Variants in NRXN1 observed in about 807,000 individuals in gnomAD.
NRXN1 encodes the protein neurexin-1.
A neutral mutation model predicts 150.9 loss-of-function variants in NRXN1; 39 were observed. That is an observed-to-expected ratio of 0.26 (90% CI 0.20 to 0.34). The LOEUF is 0.34. Among genes scored for constraint, NRXN1 ranks in the 10% least tolerant of loss-of-function variants. The probability of loss-of-function intolerance (pLI) is 1.00; values close to 1 mark genes in which losing one functional copy is unlikely to be tolerated. For missense variants in NRXN1, 1,815 were observed against 1,949.9 expected, an observed-to-expected ratio of 0.93 and a Z score of 1.30; for synonymous variants, 924 against 757.0, an observed-to-expected ratio of 1.22 and a Z score of -3.62.
chr2:50,350,851 T>G (rs749497170), intron 17 of NRXN1, among the ~76,000 whole-genome samples: 6 of 152,084 alleles, frequency 3.9e-5, no homozygotes, highest in Non-Finnish European at 8.8e-5. Flanking sequence ...AGAGAAAATA[T>G]TTATGGCTGC....
intron 5 of NRXN1, among the ~76,000 whole-genome samples, chr2:50,772,937 C>T (rs1314460625): frequency 1.3e-5 from 2 of 152,020 alleles, no homozygotes; most frequent in Non-Finnish European, 2.9e-5. Flanking sequence ...GGAGGAGCCT[C>T]GTCCATCATA....
In NRXN1 at chr2:50,985,714, A is replaced by G. The variant is rs574436355; in HGVS notation, c.772+41788T>C. On this transcript the variant is annotated intron_variant, in intron 2 of 22. Transcript: ENST00000401669. ...TAATTGAAAATACAGGAGAATTGAGATATGGGAGGCTGTGCTAAGCAAGAA... is the reference window on the plus strand; with the variant it reads ...TAATTGAAAATACAGGAGAATTGAGGTATGGGAGGCTGTGCTAAGCAAGAA... Among the ~76,000 whole-genome samples, 2 of 151,960 alleles carry G rather than the reference A, an allele frequency of 1.3e-5. 1 individual carries two copies. Among genetic ancestry groups the G allele is most frequent in the African/African-American group, 4.8e-5 (2 of 41,552 alleles).
At chr2:50,808,638 T>C (rs541876603) in intron 5 of NRXN1, among the ~76,000 whole-genome samples, 1 of 152,244 alleles carries the variant, frequency 6.6e-6, no homozygotes, top group Admixed American at 6.5e-5. Flanking sequence ...AATCTAAGCA[T>C]AGTGTTTTCT....
At chr2:50,545,822 A>G (rs932430564) in intron 9 of NRXN1, among the ~76,000 whole-genome samples, 2 of 152,162 alleles carry the variant, frequency 1.3e-5, no homozygotes, top group Non-Finnish European at 2.9e-5. Context: ...TGGATACTTG[A>G]GTTCCTGATA....
chr2:50,809,468 C>A (rs1301991406), intron 5 of NRXN1, among the ~76,000 whole-genome samples: 1 of 152,056 alleles, frequency 6.6e-6, no homozygotes. Context: ...ATACTTTATT[C>A]CAGAAATTAA....
chr2:50,286,889 T>G (rs1517831), intron 17 of NRXN1, among the ~76,000 whole-genome samples: 26,880 of 152,088 alleles, frequency 0.18, 2,617 homozygotes, highest in East Asian at 0.36. Context: ...CAGCCTGGCT[T>G]TTTGTAATAA....
rs74389417 is a variant in NRXN1, at chr2:49,963,943, G to T, written c.4129-20152C>A. On this transcript the variant is annotated intron_variant, in intron 21 of 22. Coordinates refer to ENST00000401669, the MANE Select transcript of NRXN1 (RefSeq NM_001330078.2). ...GAGCTGCTGTAACATACCCAGGCCCGTACTTCATGTGTCCATAACGAAAAG... is the reference window on the plus strand; with the variant it reads ...GAGCTGCTGTAACATACCCAGGCCCTTACTTCATGTGTCCATAACGAAAAG... 3.2e-4 allele frequency among the ~76,000 whole-genome samples: 49 copies of T among 152,178 alleles called. No individual in the cohort carries two copies. In the East Asian group the frequency reaches 6.8e-3, roughly 21 times the overall value.
At chr2:50,737,794 C>T (rs756177530) in intron 5 of NRXN1, among the ~76,000 whole-genome samples, 5 of 151,742 alleles carry the variant, frequency 3.3e-5, no homozygotes, top group South Asian at 2.1e-4. Context: ...TGAATATGAC[C>T]GAAGATTTCA....
At chr2:50,947,889 T>C (rs1020123812) in intron 2 of NRXN1, among the ~76,000 whole-genome samples, 3 of 151,980 alleles carry the variant, frequency 2.0e-5, no homozygotes, top group African/African-American at 7.2e-5. Context: ...TGAGTATCAA[T>C]TTGATAAGTT....
intron 17 of NRXN1, among the ~76,000 whole-genome samples, chr2:50,449,022 G>A (rs1416290418): frequency 6.6e-6 from 1 of 152,140 alleles, no homozygotes; most frequent in Non-Finnish European, 1.5e-5. Context: ...AGCAGAGTTT[G>A]CCAAGATCTT....
At chr2:50,548,061 C>T (rs1380555609) in intron 9 of NRXN1, 2 of 152,098 alleles carry the variant, frequency 1.3e-5, no homozygotes, top group Non-Finnish European at 2.9e-5. Context: ...TCATATACCC[C>T]TTTCAGTGAA....
intron 5 of NRXN1, among the ~76,000 whole-genome samples, chr2:50,685,593 C>G (rs1002975033): frequency 4.6e-5 from 7 of 152,126 alleles, no homozygotes; most frequent in African/African-American, 1.7e-4. Context: ...TACCTCTCTT[C>G]TCAATATCCT....
chr2:50,963,265 G>C (rs894006966), intron 2 of NRXN1, among the ~76,000 whole-genome samples: 1 of 151,424 alleles, frequency 6.6e-6, no homozygotes, highest in Non-Finnish European at 1.5e-5. Flanking sequence ...AACAACAAAA[G>C]AAAAACACTG....
intron 17 of NRXN1, among the ~76,000 whole-genome samples, chr2:50,376,046 T>TACAC (rs72262969): frequency 0.011 from 1,689 of 148,714 alleles, 28 homozygotes; most frequent in African/African-American, 0.035. Context: ...CATATATATA[T>TACAC]ACACACACAC....
At chr2:50,199,146 G>T (rs1051795933) in intron 18 of NRXN1, 3 of 152,078 alleles carry the variant, frequency 2.0e-5, no homozygotes, top group Non-Finnish European at 2.9e-5. Context: ...TATTTTGAAA[G>T]GACAATTTTA....
intron 17 of NRXN1, among the ~76,000 whole-genome samples, chr2:50,386,305 T>C (rs115283883): frequency 0.017 from 2,532 of 152,228 alleles, 82 homozygotes; most frequent in African/African-American, 0.059. Flanking sequence ...AAGTGCAAAA[T>C]ATTGGAGATT....
intron 5 of NRXN1, among the ~76,000 whole-genome samples, chr2:50,864,089 C>T (rs1676524967): frequency 6.6e-6 from 1 of 151,990 alleles, no homozygotes; most frequent in Non-Finnish European, 1.5e-5. Context: ...ACTCAATTTA[C>T]ACACAAAAGG....
chr2:50,250,525 G>C (rs1462963520), intron 17 of NRXN1, among the ~76,000 whole-genome samples: 1 of 151,826 alleles, frequency 6.6e-6, no homozygotes, highest in African/African-American at 2.4e-5. Flanking sequence ...GATAAATACA[G>C]AGCACAAATC....
chr2:50,496,398 A>G (rs1277158149), intron 14 of NRXN1, among the ~76,000 whole-genome samples: 8 of 151,930 alleles, frequency 5.3e-5, no homozygotes, highest in Admixed American at 2.6e-4. Context: ...TGTTTCCACA[A>G]TTCCCTCCAT....
Sources: gnomAD v4.1 joint callset for allele counts (sites outside exome capture counted in the v4.1 genomes callset) on GRCh38, gnomAD v4.1.1 for gene constraint, MANE v1.5 for transcripts, NCBI Gene and HGNC (gene_info 2026-07-23, HGNC 2026-07-21) for gene names.